The following BMP7 variants were observed in gnomAD, a reference collection of about 807,000 sequenced individuals.
The protein encoded by BMP7 is osteogenic protein 1.
BMP7 carries 12 observed loss-of-function variants against 41.2 expected under a neutral mutation model. The observed-to-expected ratio is 0.29, with a 90% CI of 0.19 to 0.47. The LOEUF (loss-of-function observed/expected upper bound fraction) is 0.47, where lower values mean the gene tolerates loss of function less well. BMP7 is among the 20% of genes least tolerant of loss of function. The pLI is 0.99. For missense variants in BMP7, 467 were observed against 606.0 expected (o/e 0.77, Z 2.41); for synonymous variants, 248 against 250.0 (o/e 0.99, Z 0.07).
intron 2 of BMP7, among the ~76,000 whole-genome samples, chr20:57,222,288 C>G (rs554647330): frequency 4.0e-5 from 6 of 151,896 alleles, no homozygotes; most frequent in Admixed American, 6.5e-5. Context: ...ATAACAGGGA[C>G]AGAGATAAAA....
At chr20:57,176,049 CTG>C (rs747871305) in intron 4 of BMP7, among the ~76,000 whole-genome samples, 28 of 152,244 alleles carry the variant, frequency 1.8e-4, no homozygotes, top group Non-Finnish European at 2.9e-5. Flanking sequence ...AGTGCACATC[CTG>C]TCCAGGAGTC....
intron 1 of BMP7, among the ~76,000 whole-genome samples, chr20:57,251,420 G>A (rs1190240133): frequency 6.6e-6 from 1 of 152,202 alleles, no homozygotes; most frequent in African/African-American, 2.4e-5. Flanking sequence ...ACAGGGTGCT[G>A]GGACCAAGCA....
intron 2 of BMP7, among the ~76,000 whole-genome samples, chr20:57,221,591 C>T (rs978548940): frequency 6.6e-6 from 1 of 152,062 alleles, no homozygotes; most frequent in Non-Finnish European, 1.5e-5. Context: ...GGCAGGAGAA[C>T]AACTTGAGGC....
chr20:57,214,022 G>C lies in BMP7; in HGVS notation c.612-11399C>G, dbSNP rs540445355. Among the ~76,000 whole-genome samples, 1 of 152,316 alleles carries C rather than the reference G, an allele frequency of 6.6e-6. No individual in the cohort carries two copies. The highest frequency in any genetic ancestry group is 2.4e-5 in the African/African-American group (1 of 41,582). ...TCAAGCTGCCTTGGCTCTAAAGTAA[G>C]ATCACAGCTGCAGTGAGCTGACCCC... On this transcript the variant is annotated intron_variant, in intron 2 of 6. Coordinates refer to ENST00000395863, the MANE Select transcript of BMP7 (RefSeq NM_001719.3). The surrounding 1 kb of genome is among the most constrained non-coding windows in gnomAD (Gnocchi z 4.0).
chr20:57,194,174 G>C (rs897534507), intron 3 of BMP7, among the ~76,000 whole-genome samples: 11 of 152,166 alleles, frequency 7.2e-5, no homozygotes, highest in African/African-American at 2.7e-4. Context: ...TTCCATGCTT[G>C]TGGACATGGA....
intron 1 of BMP7, among the ~76,000 whole-genome samples, chr20:57,247,447 C>T (rs920498050): frequency 2.0e-5 from 3 of 152,268 alleles, no homozygotes; most frequent in South Asian, 2.1e-4. Context: ...CAGAGAGTTC[C>T]GTTTGCTCAG....
chr20:57,210,409 A>T (rs999082030), intron 2 of BMP7, among the ~76,000 whole-genome samples: 1 of 152,222 alleles, frequency 6.6e-6, no homozygotes, highest in Non-Finnish European at 1.5e-5. Flanking sequence ...GGGATATTTT[A>T]AAATCTCAAA....
chr20:57,263,463 T>A (rs2066161625), intron 1 of BMP7, among the ~76,000 whole-genome samples: 1 of 152,198 alleles, frequency 6.6e-6, no homozygotes, highest in Non-Finnish European at 1.5e-5. Flanking sequence ...CAACCTGGTC[T>A]TTCTCTTGGG....
rs1985063643 is a variant in BMP7, at chr20:57,217,609, GGAC to G, written c.611+10617_611+10619del. ...AGATAGACGGAGCGATAGTGGGAGA[GGAC>G]TCTGCATCAACTCCCTCCAAACGCT... On this transcript the variant is annotated intron_variant, in intron 2 of 6. Transcript: ENST00000395863. Among the ~76,000 whole-genome samples the G allele has an allele frequency of 2.6e-5, 4 of 152,252 alleles. No individual in the cohort carries two copies. The South Asian group carries it at 8.3e-4, about 32-fold the overall frequency.
At chr20:57,250,088 G>T (rs2066106028) in intron 1 of BMP7, among the ~76,000 whole-genome samples, 1 of 152,006 alleles carries the variant, frequency 6.6e-6, no homozygotes, top group Admixed American at 6.6e-5. Flanking sequence ...AATAAATGTT[G>T]AAATCATGCT....
chr20:57,251,236 G>GGC (rs2123142526), intron 1 of BMP7, among the ~76,000 whole-genome samples: 1 of 152,272 alleles, frequency 6.6e-6, no homozygotes, highest in African/African-American at 2.4e-5. Context: ...CCAGGAGACA[G>GGC]GCACCCACAT....
At chr20:57,264,139 C>CTTG (rs2066164221) in intron 1 of BMP7, among the ~76,000 whole-genome samples, 1 of 152,218 alleles carries the variant, frequency 6.6e-6, no homozygotes. Context: ...CTCGCTGAAG[C>CTTG]TTGGTTCACT....
At chr20:57,216,482 A>ACGAGGGGGCTGTCTCCTGAGGG (rs1985021017) in intron 2 of BMP7, among the ~76,000 whole-genome samples, 1 of 131,616 alleles carries the variant, frequency 7.6e-6, no homozygotes, top group African/African-American at 4.0e-5. Context: ...GCACCTGAGG[A>ACGAGGGGGCTGTCTCCTGAGGG]CGAGGGCGCT....
At position 57,224,464 on chromosome 20, in the gene BMP7, C is replaced by A. The variant is rs2123113626; in HGVS notation, c.611+3765G>T. On this transcript the variant is annotated intron_variant, in intron 2 of 6. Coordinates refer to ENST00000395863, the MANE Select transcript of BMP7 (RefSeq NM_001719.3). This position sits in a 1 kb window ranked among gnomAD's most constrained non-coding sequence, Gnocchi z 4.8. ...GGGCAGCGCTGTGGAGTGGGGCAAG[C>A]CTGACACATGCTCAAGGAGAGACGG... 6.6e-6 allele frequency: 1 copy of A among 152,408 alleles called. No homozygotes were observed. The highest frequency in any genetic ancestry group is 1.5e-5 in the Non-Finnish European group (1 of 68,122). The allele number at this position is 152,408 out of a possible 1,614,324, so 9.4% of individuals were successfully genotyped here.
chr20:57,193,662 T>C (rs554355161), intron 3 of BMP7, among the ~76,000 whole-genome samples: 1 of 152,348 alleles, frequency 6.6e-6, no homozygotes, highest in Admixed American at 6.5e-5. Context: ...AGTAGCATAA[T>C]TTGTTTATCC....
chr20:57,261,031 G>C lies in BMP7; in HGVS notation c.418+4674C>G, dbSNP rs1164528338. Reference sequence around the variant, plus strand: ...CCAAATATGACCTTACCAAATGAGGGAGAGATATTAAAGTGATAGGAGTGA... The same window carrying C: ...CCAAATATGACCTTACCAAATGAGGCAGAGATATTAAAGTGATAGGAGTGA... On this transcript the variant is annotated intron_variant, in intron 1 of 6. Transcript: ENST00000395863. This position sits in a 1 kb window ranked among gnomAD's most constrained non-coding sequence, Gnocchi z 4.1. Among the ~76,000 whole-genome samples the C allele has an allele frequency of 6.6e-6, 1 of 152,190 alleles. No homozygotes were observed. Among genetic ancestry groups the C allele is most frequent in the East Asian group, 1.9e-4 (1 of 5,202 alleles).
chr20:57,225,569 C>T (rs1015857927), intron 2 of BMP7, among the ~76,000 whole-genome samples: 41 of 152,244 alleles, frequency 2.7e-4, no homozygotes, highest in African/African-American at 9.6e-4. Flanking sequence ...AGAGATGACT[C>T]TTTCCCAAGG....
chr20:57,237,653 C>T (rs1308106373), intron 1 of BMP7, among the ~76,000 whole-genome samples: 1 of 152,228 alleles, frequency 6.6e-6, no homozygotes, highest in Non-Finnish European at 1.5e-5. Flanking sequence ...ATAACATGAG[C>T]AGCCTGGAGA....
rs549179701 is a variant in BMP7, at chr20:57,213,532, T to C, written c.612-10909A>G. 9.5e-4 allele frequency among the ~76,000 whole-genome samples: 144 copies of C among 152,250 alleles called. 1 individual carries two copies. The South Asian group carries it at 0.029, about 31-fold the overall frequency. ...TGCAAAGAAATGTCTGCTCCGGCAA[T>C]GGAGCGCAGTAACGAGCCGTTCAAA... On this transcript the variant is annotated intron_variant, in intron 2 of 6. Coordinates refer to ENST00000395863, the MANE Select transcript of BMP7 (RefSeq NM_001719.3). This position sits in a 1 kb window ranked among gnomAD's most constrained non-coding sequence, Gnocchi z 4.4.
Sources: gnomAD v4.1 joint callset for allele counts (sites outside exome capture counted in the v4.1 genomes callset) on GRCh38, gnomAD v4.1.1 for gene constraint, Gnocchi (gnomAD v3.1) non-coding constraint, MANE v1.5 for transcripts, NCBI Gene and HGNC (gene_info 2026-07-23, HGNC 2026-07-21) for gene names.